Variants in HSPB8 observed in about 807,000 individuals in gnomAD.
HSPB8 encodes heat shock protein beta-8.
HSPB8 carries 9 observed loss-of-function variants against 16.5 expected under a neutral mutation model. That is an observed-to-expected ratio of 0.55 (90% confidence interval 0.33 to 0.95). The LOEUF (loss-of-function observed/expected upper bound fraction) is 0.95, where lower values mean the gene tolerates loss of function less well. Among genes scored for constraint, HSPB8 ranks in the 40% least tolerant of loss-of-function variants. The pLI is 0.03. For synonymous variants in HSPB8, 99 were observed against 94.8 expected, an observed-to-expected ratio of 1.04 and a Z score of -0.26; for missense variants, 238 against 251.2, an observed-to-expected ratio of 0.95 and a Z score of 0.35.
Position 119,179,578 on chromosome 12 carries a change from CA to C in HSPB8, c.267del (p.Phe91SerfsTer10). On this transcript the variant is annotated frameshift_variant, in exon 1 of 3. Coordinates refer to ENST00000281938, the MANE Select transcript of HSPB8 (RefSeq NM_014365.3). LOFTEE classifies it high-confidence loss of function. ...FGVPAEGRTPPPFPGEPWKVC... is the reference protein window; with the variant it reads ...FGVPAEGRTPXPFPGEPWKVC... ...GTGCCTGCCGAGGGCAGGACCCCCCCACCCTTCCCTGGGGAGCCCTGGAAAG... is the reference window on the plus strand; with the variant it reads ...GTGCCTGCCGAGGGCAGGACCCCCCCCCCTTCCCTGGGGAGCCCTGGAAAG... 1 of 1,612,198 alleles carries C rather than the reference CA, an allele frequency of 6.2e-7. No homozygotes were observed.
At chr12:119,185,543 A>G (rs765514468) in intron 1 of HSPB8, among the ~76,000 whole-genome samples, 5 of 152,228 alleles carry the variant, frequency 3.3e-5, no homozygotes, top group Non-Finnish European at 7.4e-5. Context: ...CGTGTTGGCC[A>G]GGAAGGTCTC....
At chr12:119,179,731 C>T in intron 1 of HSPB8, 52 bp downstream of exon 1, 1 of 1,531,348 alleles carries the variant, frequency 6.5e-7, no homozygotes, top group Non-Finnish European at 8.7e-7. Flanking sequence ...ATGTAGCCCT[C>T]AGCCCTGGGA....
chr12:119,193,627 T>G, intron 2 of HSPB8, 72 bp from the exon 3 acceptor site: 1 of 1,531,132 alleles, frequency 6.5e-7, no homozygotes, highest in Non-Finnish European at 9.0e-7. Flanking sequence ...AAATATTTCC[T>G]CTCAAGTGAA....
At position 119,193,973 on chromosome 12, in the gene HSPB8, G is replaced by A. The variant is rs929964933; in HGVS notation, c.*115G>A. On this transcript the variant is annotated 3_prime_UTR_variant, in exon 3 of 3. Coordinates refer to ENST00000281938, the MANE Select transcript of HSPB8 (RefSeq NM_014365.3). ...GTGCAAGTAAAATGTTAGAGGGTGC[G>A]GGGGTGAGGACTGACCACAGATTCC... 1.0e-4 allele frequency: 119 copies of A among 1,164,632 alleles called. No individual in the cohort carries two copies. The highest frequency in any genetic ancestry group is 6.6e-4 in the Admixed American group (38 of 57,326). The allele number at this position is 1,164,632 out of a possible 1,614,324, so 72.1% of individuals were successfully genotyped here. A position where few individuals can be genotyped will look rare whatever the true frequency, so the allele number is the denominator to read the frequency against.
At chr12:119,179,878 C>A (rs1954626010) in intron 1 of HSPB8, among the ~76,000 whole-genome samples, 199 bp downstream of exon 1, 2 of 152,158 alleles carry the variant, frequency 1.3e-5, no homozygotes, top group South Asian at 4.1e-4. Flanking sequence ...CTTAACCTGC[C>A]TGACTCAGCT....
intron 2 of HSPB8, among the ~76,000 whole-genome samples, chr12:119,190,956 G>A (rs1250008490): frequency 1.3e-5 from 2 of 152,292 alleles, no homozygotes; most frequent in East Asian, 3.9e-4. Context: ...TTAAATACAA[G>A]TCACTTGGTT....
At chr12:119,182,809 T>C (rs1311970602) in intron 1 of HSPB8, 2 of 152,074 alleles carry the variant, frequency 1.3e-5, no homozygotes, top group Non-Finnish European at 2.9e-5. Flanking sequence ...TCCTAGGAAG[T>C]GTGGGTAGGT....
intron 2 of HSPB8, among the ~76,000 whole-genome samples, chr12:119,190,441 A>C (rs1197371676): frequency 6.6e-6 from 1 of 152,224 alleles, no homozygotes; most frequent in Non-Finnish European, 1.5e-5. Context: ...ATTCATCTCA[A>C]CACATCCATC....
intron 1 of HSPB8, among the ~76,000 whole-genome samples, chr12:119,186,366 G>T (rs1235673041): frequency 6.6e-6 from 1 of 152,120 alleles, no homozygotes; most frequent in Non-Finnish European, 1.5e-5. Context: ...AGCTAATCGG[G>T]AGCTGGAACA....
chr12:119,190,182 A>G (rs1227228001), intron 2 of HSPB8, among the ~76,000 whole-genome samples: 1 of 152,174 alleles, frequency 6.6e-6, no homozygotes, highest in East Asian at 1.9e-4. Flanking sequence ...AGGCTTCACA[A>G]GGCTGGACTC....
At position 119,184,201 on chromosome 12, in the gene HSPB8, C is replaced by T. The variant is rs190248218; in HGVS notation, c.368-2824C>T. On this transcript the variant is annotated intron_variant, in intron 1 of 2. Coordinates refer to ENST00000281938, the MANE Select transcript of HSPB8 (RefSeq NM_014365.3). ...TACAGCACTTAACCTCTCTGAACTT[C>T]GGGTTTCCTATCTACAAAATGACAA... Among the ~76,000 whole-genome samples the T allele has an allele frequency of 5.4e-4, 82 of 152,246 alleles. 1 individual carries two copies. Among genetic ancestry groups the T allele is most frequent in the South Asian group, 1.7e-3 (8 of 4,822 alleles).
At chr12:119,189,815 A>G (rs1291374078) in intron 2 of HSPB8, among the ~76,000 whole-genome samples, 1 of 152,124 alleles carries the variant, frequency 6.6e-6, no homozygotes, top group Non-Finnish European at 1.5e-5. Flanking sequence ...AGCCCTCCCT[A>G]GCCAACCCCA....
chr12:119,187,378 C>T (rs1378210184), intron 2 of HSPB8, among the ~76,000 whole-genome samples: 2 of 151,898 alleles, frequency 1.3e-5, no homozygotes, highest in Admixed American at 6.6e-5. Flanking sequence ...ATCTTGAGAC[C>T]GAGTCTCACT....
Position 119,193,946 on chromosome 12 carries a change from T to C in HSPB8, c.*88T>C. ...ACATTACTTTAGCTGAACTCAGATT[T>C]AGTGCAAGTAAAATGTTAGAGGGTG... On this transcript the variant is annotated 3_prime_UTR_variant, in exon 3 of 3. Coordinates refer to ENST00000281938, the MANE Select transcript of HSPB8 (RefSeq NM_014365.3). 1.1e-5 allele frequency: 16 copies of C among 1,426,360 alleles called. No individual in the cohort carries two copies. The highest frequency in any genetic ancestry group is 1.6e-5 in the Non-Finnish European group (16 of 1,011,518). The allele number at this position is 1,426,360 out of a possible 1,614,324, so 88.4% of individuals were successfully genotyped here.
At chr12:119,180,894 C>T (rs11064693) in intron 1 of HSPB8, among the ~76,000 whole-genome samples, 29,759 of 151,998 alleles carry the variant, frequency 0.2, 3,018 homozygotes, top group Middle Eastern at 0.25. Flanking sequence ...GAGGCTCCAG[C>T]GGGTGTGGTG....
intron 1 of HSPB8, among the ~76,000 whole-genome samples, chr12:119,185,708 G>T (rs1297467611): frequency 6.6e-6 from 1 of 151,874 alleles, no homozygotes; most frequent in African/African-American, 2.4e-5. Flanking sequence ...TCCTGGCCTC[G>T]AGTCATCCTC....
chr12:119,183,276 A>C (rs1954650801), intron 1 of HSPB8: 1 of 152,232 alleles, frequency 6.6e-6, no homozygotes, highest in African/African-American at 2.4e-5. Flanking sequence ...AAAATGCTGG[A>C]CTAGACAATT....
In HSPB8 at chr12:119,179,154, C is replaced by A. The variant is rs529120786; in HGVS notation, c.-159C>A. Reference sequence around the variant, plus strand: ...GGGACCCCAGTCGAGGGGACACAACCGTCCCTGGCAGTGGTTGGTTCTGCT... The same window carrying A: ...GGGACCCCAGTCGAGGGGACACAACAGTCCCTGGCAGTGGTTGGTTCTGCT... On this transcript the variant is annotated 5_prime_UTR_variant, in exon 1 of 3. Transcript: ENST00000281938. The A allele has an allele frequency of 2.2e-4, 169 of 758,176 alleles. No individual in the cohort carries two copies. Among genetic ancestry groups the A allele is most frequent in the South Asian group, 1.4e-3 (90 of 66,616 alleles). The allele number at this position is 758,176 out of a possible 1,614,324, so 47.0% of individuals were successfully genotyped here.
chr12:119,192,309 T>C (rs1954717042), intron 2 of HSPB8, among the ~76,000 whole-genome samples: 1 of 152,178 alleles, frequency 6.6e-6, no homozygotes, highest in Admixed American at 6.5e-5. Context: ...TCTTACCTCT[T>C]AATCATCCTC....
Sources: allele counts gnomAD v4.1 joint callset (sites outside exome capture counted in the v4.1 genomes callset), GRCh38; gene constraint gnomAD v4.1.1; transcripts MANE v1.5; gene names NCBI Gene and HGNC (gene_info 2026-07-23, HGNC 2026-07-21).